The following PTTG1IP variants were observed in gnomAD, a reference collection of about 807,000 sequenced individuals.
PTTG1IP encodes the protein pituitary tumor-transforming gene 1 protein-interacting protein.
In PTTG1IP, 16 loss-of-function variants were observed where a neutral mutation model predicts 24.4. The ratio of observed to expected loss-of-function variants is 0.66; its 90% CI spans 0.44 to 1.00. The LOEUF (loss-of-function observed/expected upper bound fraction) is 1.00, where lower values mean the gene tolerates loss of function less well. Among genes scored for constraint, PTTG1IP ranks in the 50% least tolerant of loss-of-function variants. The probability of loss-of-function intolerance (pLI) is 0.00; values close to 1 mark genes in which losing one functional copy is unlikely to be tolerated. For synonymous variants in PTTG1IP, 89 were observed against 96.8 expected, an observed-to-expected ratio of 0.92 and a Z score of 0.47; for missense variants, 241 against 245.8, an observed-to-expected ratio of 0.98 and a Z score of 0.13.
rs768151077 is a variant in PTTG1IP, at chr21:44,851,416, AG to A, written c.*164del. 2.2e-4 allele frequency: 353 copies of A among 1,583,986 alleles called. 1 individual carries two copies. Among genetic ancestry groups the A allele is most frequent in the Middle Eastern group, 2.1e-3 (13 of 6,058 alleles). On this transcript the variant is annotated 3_prime_UTR_variant, in exon 6 of 6. Coordinates refer to ENST00000330938, the MANE Select transcript of PTTG1IP (RefSeq NM_004339.4). ...TAGAAGGTCACCAGTCTGCAAGACG[AG>A]AGGACTGTCCTTCAGGGGCAGCTCT... is the stretch of plus-strand genomic sequence containing the variant.
chr21:44,871,755 G>A (rs879458162), intron 1 of PTTG1IP, among the ~76,000 whole-genome samples: 19 of 152,124 alleles, frequency 1.2e-4, no homozygotes, highest in Non-Finnish European at 2.5e-4. Flanking sequence ...CAAGGGGCAC[G>A]CAGACACCAA....
In PTTG1IP at chr21:44,850,008, CTGGGTACAGGTTCTATTCTTTG is replaced by C. The variant is rs1346308524; in HGVS notation, c.*1551_*1572del. The C allele has an allele frequency of 1.1e-4, 16 of 152,178 alleles. No individual in the cohort carries two copies. The highest frequency in any genetic ancestry group is 3.9e-4 in the African/African-American group (16 of 41,434). The allele number at this position is 152,178 out of a possible 1,614,324, so 9.4% of individuals were successfully genotyped here. On this transcript the variant is annotated 3_prime_UTR_variant, in exon 6 of 6. Coordinates refer to ENST00000330938, the MANE Select transcript of PTTG1IP (RefSeq NM_004339.4). ...AGGTCAGGGAAATCAGCCTGAAGAA[CTGGGTACAGGTTCTATTCTTTG>C]TGGAAATTTCAGCCTAGGAATGTTA...
At chr21:44,862,456 T>C (rs1435149219) in intron 2 of PTTG1IP, among the ~76,000 whole-genome samples, 2 of 152,106 alleles carry the variant, frequency 1.3e-5, no homozygotes, top group Admixed American at 1.3e-4. Flanking sequence ...GAGGCGCAGG[T>C]TGCGGTGAGC....
intron 4 of PTTG1IP, 68 bp downstream of exon 4, chr21:44,856,125 T>C: frequency 1.2e-6 from 2 of 1,612,968 alleles, no homozygotes; most frequent in Non-Finnish European, 1.7e-6. Context: ...ATCCATGTGA[T>C]TTCCATGGCC....
At chr21:44,872,387 A>T (rs2083594192) in intron 1 of PTTG1IP, among the ~76,000 whole-genome samples, 1 of 152,246 alleles carries the variant, frequency 6.6e-6, no homozygotes, top group Non-Finnish European at 1.5e-5. Flanking sequence ...TACTATGCTA[A>T]ACAGACACTG....
chr21:44,872,374 C>T (rs902994159), intron 1 of PTTG1IP, among the ~76,000 whole-genome samples: 8 of 152,210 alleles, frequency 5.3e-5, no homozygotes, highest in African/African-American at 1.2e-4. Context: ...AGAAAAGGTG[C>T]TCTACTATGC....
chr21:44,861,220 C>G lies in PTTG1IP; in HGVS notation c.220G>C (p.Val74Leu). Reference protein sequence around the residue: ...KACLDYPVTSVLPPASLCKLS... With the variant: ...KACLDYPVTSLLPPASLCKLS... ...TTACAAAGGGAAGCCGGTGGCAAGA[C>G]GCTTGTAACTGGGTAGTCCAGACAA... The change falls in exon 3 of 6, where the codon GTC (valine) becomes CTC (leucine). Residue 74 changes from valine to leucine, a missense_variant. Coordinates refer to ENST00000330938, the MANE Select transcript of PTTG1IP (RefSeq NM_004339.4). 1 of 1,614,158 alleles carries G rather than the reference C, an allele frequency of 6.2e-7. No homozygotes were observed. Among genetic ancestry groups the G allele is most frequent in the Non-Finnish European group, 8.5e-7 (1 of 1,179,998 alleles).
chr21:44,864,276 T>G (rs534489110), intron 2 of PTTG1IP, among the ~76,000 whole-genome samples: 1 of 152,376 alleles, frequency 6.6e-6, no homozygotes, highest in African/African-American at 2.4e-5. Context: ...GCGAGGAGAC[T>G]TGGGTGCTGC....
intron 1 of PTTG1IP, among the ~76,000 whole-genome samples, chr21:44,870,799 C>T (rs1054075762): frequency 6.6e-6 from 1 of 152,132 alleles, no homozygotes; most frequent in African/African-American, 2.4e-5. Flanking sequence ...CATTTGTTTC[C>T]GAAATTAAAG....
intron 2 of PTTG1IP, chr21:44,861,686 C>G (rs1250426407): frequency 1.4e-6 from 1 of 715,236 alleles, no homozygotes; most frequent in Non-Finnish European, 2.6e-6. Flanking sequence ...CCTCGATCAA[C>G]AGACTGGACA....
chr21:44,873,661 A>G lies in PTTG1IP; in HGVS notation c.-45T>C. The stretch of plus-strand genomic sequence containing the variant: ...CAGTCAGTGGAGCGTTACAACTCCG[A>G]CTCCAGCACAAGCGGTCTCCGCCCG... On this transcript the variant is annotated 5_prime_UTR_variant, in exon 1 of 6. Coordinates refer to ENST00000330938, the MANE Select transcript of PTTG1IP (RefSeq NM_004339.4). The G allele has an allele frequency of 7.6e-7, 1 of 1,319,976 alleles. No individual in the cohort carries two copies. The highest frequency in any genetic ancestry group is 9.7e-7 in the Non-Finnish European group (1 of 1,030,854). The allele number at this position is 1,319,976 out of a possible 1,614,324, so 81.8% of individuals were successfully genotyped here. A position where few individuals can be genotyped will look rare whatever the true frequency, so the allele number is the denominator to read the frequency against.
At chr21:44,873,288 C>G (rs758622517) in intron 1 of PTTG1IP, among the ~76,000 whole-genome samples, 40 of 152,318 alleles carry the variant, frequency 2.6e-4, no homozygotes, top group Non-Finnish European at 5.9e-4. Flanking sequence ...AAAGACGGCT[C>G]TTCCCCTGCC....
At chr21:44,859,074 G>C (rs532667511) in intron 3 of PTTG1IP, among the ~76,000 whole-genome samples, 1 of 152,330 alleles carries the variant, frequency 6.6e-6, no homozygotes, top group African/African-American at 2.4e-5. Flanking sequence ...AGCAGCACCA[G>C]AAGGACCCAG....
At chr21:44,861,839 C>T (rs943705887) in intron 2 of PTTG1IP, 1 of 717,538 alleles carries the variant, frequency 1.4e-6, no homozygotes, top group Non-Finnish European at 2.6e-6. Context: ...CCATCACAGG[C>T]ACTCACTGAG....
At chr21:44,867,478 G>C (rs1035745678) in intron 1 of PTTG1IP, among the ~76,000 whole-genome samples, 2 of 152,194 alleles carry the variant, frequency 1.3e-5, no homozygotes, top group East Asian at 3.8e-4. Context: ...GGTCTGTCTC[G>C]GTCGCGGCTA....
chr21:44,865,540 G>GT, intron 1 of PTTG1IP, 93 bp from the exon 2 acceptor site: 2 of 1,273,100 alleles, frequency 1.6e-6, no homozygotes, highest in Non-Finnish European at 2.3e-6. Flanking sequence ...AGTGAGGGGT[G>GT]TGGCACCAAG....
intron 1 of PTTG1IP, 108 bp from the exon 2 acceptor site, chr21:44,865,555 T>C: frequency 9.1e-7 from 1 of 1,093,786 alleles, no homozygotes; most frequent in Non-Finnish European, 1.4e-6. Flanking sequence ...ACCAAGAACC[T>C]CTGATGTGGA....
At position 44,851,634 on chromosome 21, in the gene PTTG1IP, C is replaced by CA; in HGVS notation, c.497-8dup. 4.5e-6 allele frequency: 7 copies of CA among 1,567,880 alleles called. No homozygotes were observed. Among genetic ancestry groups the CA allele is most frequent in the Non-Finnish European group, 5.2e-6 (6 of 1,150,052 alleles). On this transcript the variant is annotated splice_polypyrimidine_tract_variant and splice_region_variant and intron_variant, in intron 5 of 5. Coordinates refer to ENST00000330938, the MANE Select transcript of PTTG1IP (RefSeq NM_004339.4). ...TTTTCTTCTTTAAACAGGCCTGAAA[C>CA]AAAATAAACTTGAATCATAACTTCA...
chr21:44,864,388 G>A (rs1203203833), intron 2 of PTTG1IP, among the ~76,000 whole-genome samples: 3 of 146,774 alleles, frequency 2.0e-5, no homozygotes, highest in African/African-American at 2.7e-5. Context: ...CTGTTCACAC[G>A]TTTTTGTTTT....
Sources: gnomAD v4.1 joint callset for allele counts (sites outside exome capture counted in the v4.1 genomes callset) on GRCh38, gnomAD v4.1.1 for gene constraint, MANE v1.5 for transcripts, NCBI Gene and HGNC (gene_info 2026-07-23, HGNC 2026-07-21) for gene names.